PLAC1: variants seen among roughly 807,000 people sequenced by gnomAD.
PLAC1 encodes placenta-specific protein 1.
For missense variants in PLAC1, 136 were observed against 163.2 expected (o/e 0.83, Z 0.91); for synonymous variants, 68 against 62.1 (o/e 1.09, Z -0.44).
intron 1 of PLAC1, chrX:134,764,204 A>T (rs2078778120): frequency 8.9e-6 from 1 of 112,397 alleles, no homozygotes; most frequent in African/African-American, 3.2e-5. Flanking sequence ...AACATAAGGT[A>T]CATATTAGGT....
intron 1 of PLAC1, among the ~76,000 whole-genome samples, chrX:134,738,023 ATC>A (rs2078707544): frequency 9.0e-6 from 1 of 111,731 alleles, no homozygotes; most frequent in Admixed American, 9.5e-5. Flanking sequence ...ACTGCCAGTT[ATC>A]CTCACACCAG....
intron 1 of PLAC1, among the ~76,000 whole-genome samples, chrX:134,610,193 G>T (rs2078145697): frequency 9.0e-6 from 1 of 111,032 alleles, no homozygotes; most frequent in South Asian, 3.9e-4. Flanking sequence ...GGCCAGGCTG[G>T]TCTTGAACTC....
intron 1 of PLAC1, among the ~76,000 whole-genome samples, chrX:134,630,027 A>C (rs1265863645): frequency 2.1e-5 from 2 of 95,857 alleles, no homozygotes; most frequent in Non-Finnish European, 4.0e-5. Flanking sequence ...GCTGGAGTGC[A>C]ATGGTGCGAT....
In PLAC1 at chrX:134,622,516, G is replaced by A. The variant is rs188303031; in HGVS notation, c.-130-20394C>T. ...CTTTGACAGCTGGAGCTCCAAAATC[G>A]GATGGGTAAACTAGAGGAATTGCAA... On this transcript the variant is annotated intron_variant, in intron 1 of 2. Transcript: ENST00000359237. Among the ~76,000 whole-genome samples the A allele has an allele frequency of 1.8e-4, 20 of 111,161 alleles. No individual in the cohort carries two copies. In the South Asian group the frequency reaches 6.0e-3, roughly 33 times the overall value.
chrX:134,730,762 T>C (rs1053041673), intron 2 of PLAC1, among the ~76,000 whole-genome samples: 3 of 111,604 alleles, frequency 2.7e-5, no homozygotes, highest in African/African-American at 9.8e-5. Context: ...ACTCCTCTGA[T>C]TGTCAATACT....
chrX:134,691,115 C>CTTTTTTCT (rs1556143467), intron 2 of PLAC1, among the ~76,000 whole-genome samples: 1 of 83,165 alleles, frequency 1.2e-5, no homozygotes, highest in Non-Finnish European at 2.2e-5. Flanking sequence ...TTTCTTTTTT[C>CTTTTTTCT]TTTTTTTTTT....
intron 2 of PLAC1, among the ~76,000 whole-genome samples, chrX:134,567,685 G>C (rs2077883914): frequency 1.9e-5 from 2 of 107,518 alleles, no homozygotes; most frequent in Admixed American, 2.0e-4. Context: ...TTGAGCCTTG[G>C]AGGTTGAGGC....
chrX:134,575,372 G>A (rs1440105429), intron 2 of PLAC1, among the ~76,000 whole-genome samples: 3 of 110,167 alleles, frequency 2.7e-5, no homozygotes, highest in African/African-American at 9.9e-5. Context: ...CTAGCTGGAT[G>A]TGGTGGTGCG....
intron 2 of PLAC1, among the ~76,000 whole-genome samples, chrX:134,572,775 C>T (rs1275633598): frequency 9.1e-6 from 1 of 109,606 alleles, no homozygotes; most frequent in Non-Finnish European, 1.9e-5. Context: ...AAGTATATGT[C>T]CACATATATG....
chrX:134,732,125 TG>T (rs1455170081), intron 2 of PLAC1, among the ~76,000 whole-genome samples: 9 of 110,588 alleles, frequency 8.1e-5, no homozygotes, highest in Non-Finnish European at 1.1e-4. Flanking sequence ...CAGATGGAGG[TG>T]GGGGCTGGTG....
At chrX:134,720,604 T>C (rs781406772) in intron 2 of PLAC1, among the ~76,000 whole-genome samples, 1 of 111,637 alleles carries the variant, frequency 9.0e-6, no homozygotes, top group South Asian at 3.8e-4. Flanking sequence ...TTGGATTAGG[T>C]AAGAAATTCT....
At position 134,566,026 on chromosome X, in the gene PLAC1, A is replaced by C. The variant is rs751911853; in HGVS notation, c.*18T>G. ...TAATTCTAGAAATAGCATCTTCAGGAGACCCCAAACCTGAGGATCACATGG... is the reference window on the plus strand; with the variant it reads ...TAATTCTAGAAATAGCATCTTCAGGCGACCCCAAACCTGAGGATCACATGG... On this transcript the variant is annotated 3_prime_UTR_variant, in exon 3 of 3. Coordinates refer to ENST00000359237, the MANE Select transcript of PLAC1 (RefSeq NM_021796.4). The C allele has an allele frequency of 8.5e-7, 1 of 1,180,257 alleles. No homozygotes were observed. The highest frequency in any genetic ancestry group is 1.2e-6 in the Non-Finnish European group (1 of 869,361).
rs1257603281 is a variant in PLAC1 at position 134,669,516 on chromosome X, C to T, written n.174+63919G>A. 5.3e-5 allele frequency among the ~76,000 whole-genome samples: 6 copies of T among 112,282 alleles called. No individual in the cohort carries two copies. In the Admixed American group the frequency reaches 5.6e-4, roughly 11 times the overall value. The stretch of plus-strand genomic sequence containing the variant: ...TGAGAAATGCTGTGGTTGGAGAAAA[C>T]ACAACACTTGGTGGGGGAGCACAGA... On this transcript the variant is annotated intron_variant and non_coding_transcript_variant, in intron 2 of 2. Transcript: ENST00000466797.
intron 2 of PLAC1, among the ~76,000 whole-genome samples, chrX:134,593,695 G>A (rs1409425540): frequency 8.1e-5 from 9 of 111,462 alleles, no homozygotes; most frequent in Non-Finnish European, 1.7e-4. Flanking sequence ...TGGTGTTTAT[G>A]TATTCATTAT....
At chrX:134,588,040 C>A (rs2078014486) in intron 2 of PLAC1, among the ~76,000 whole-genome samples, 1 of 111,612 alleles carries the variant, frequency 9.0e-6, no homozygotes, top group African/African-American at 3.3e-5. Flanking sequence ...TAGAAAAGCC[C>A]AATTTATAAG....
At chrX:134,735,036 C>T (rs2078699411) in intron 1 of PLAC1, among the ~76,000 whole-genome samples, 2 of 111,983 alleles carry the variant, frequency 1.8e-5, no homozygotes, top group Admixed American at 1.9e-4. Context: ...AGTCACCATT[C>T]TGTGACCATT....
chrX:134,648,684 TA>T (rs777582689), intron 1 of PLAC1, among the ~76,000 whole-genome samples: 11 of 105,685 alleles, frequency 1.0e-4, no homozygotes, highest in Admixed American at 4.0e-4. Flanking sequence ...AGACTCCATC[TA>T]AAAAAAAAAG....
rs184319121 is a variant in PLAC1 at position 134,656,237 on chromosome X, C to G, written c.-131+2091G>C. On this transcript the variant is annotated intron_variant, in intron 1 of 2. Transcript: ENST00000359237. ...TTTGAATGTAGCCTTCAACACCAGA[C>G]AGAGACCGATCTCTACCTAAATCCT... 2.7e-4 allele frequency among the ~76,000 whole-genome samples: 30 copies of G among 112,375 alleles called. 1 individual carries two copies. Among genetic ancestry groups the G allele is most frequent in the African/African-American group, 8.4e-4 (26 of 31,000 alleles).
At chrX:134,676,303 C>T (rs772800489) in intron 2 of PLAC1, among the ~76,000 whole-genome samples, 22 of 111,208 alleles carry the variant, frequency 2.0e-4, no homozygotes, top group South Asian at 7.8e-4. Context: ...GGCTGCCTGC[C>T]GAGGCCTGGT....
Sources: allele counts gnomAD v4.1 joint callset (sites outside exome capture counted in the v4.1 genomes callset), GRCh38; gene constraint gnomAD v4.1.1; transcripts MANE v1.5; gene names NCBI Gene and HGNC (gene_info 2026-07-23, HGNC 2026-07-21).